Variants in RAB22A observed in about 807,000 individuals in gnomAD.
RAB22A encodes the protein ras-related protein Rab-22A.
Under a neutral mutation model 30.2 loss-of-function variants are expected in RAB22A, and 13 were observed. The ratio of observed to expected loss-of-function variants is 0.43; its 90% CI spans 0.28 to 0.68. RAB22A has a LOEUF of 0.68. Ranked by LOEUF, RAB22A falls within the 30% of genes least tolerant of loss-of-function variation. RAB22A has a pLI of 0.18. For synonymous variants in RAB22A, 89 were observed against 87.2 expected (o/e 1.02, Z -0.11); for missense variants, 177 against 246.8 (o/e 0.72, Z 1.89).
chr20:58,320,557 A>AAT (rs1986434061), intron 2 of RAB22A, among the ~76,000 whole-genome samples: 1 of 152,102 alleles, frequency 6.6e-6, no homozygotes, highest in African/African-American at 2.4e-5. Context: ...TTGTTATCTG[A>AAT]GCATTTAGAA....
chr20:58,310,271 C>T (rs897005291), intron 1 of RAB22A, among the ~76,000 whole-genome samples: 10 of 152,104 alleles, frequency 6.6e-5, no homozygotes, highest in Non-Finnish European at 4.4e-5. Context: ...AGCAAACAGC[C>T]CCCCCTTGCC....
intron 2 of RAB22A, among the ~76,000 whole-genome samples, chr20:58,314,840 CA>C (rs200960489): frequency 0.021 from 2,873 of 139,772 alleles, 33 homozygotes; most frequent in Middle Eastern, 0.033. Flanking sequence ...GACTCCATCT[CA>C]AAAAAAAAAG....
At chr20:58,310,713 G>A (rs903538858) in intron 1 of RAB22A, among the ~76,000 whole-genome samples, 1 of 152,142 alleles carries the variant, frequency 6.6e-6, no homozygotes, top group African/African-American at 2.4e-5. Flanking sequence ...ATTCATCAGG[G>A]ATTACTCAGA....
intron 3 of RAB22A, among the ~76,000 whole-genome samples, 163 bp from the exon 4 acceptor site, chr20:58,353,110 T>A (rs960655778): frequency 6.6e-6 from 1 of 152,256 alleles, no homozygotes; most frequent in East Asian, 1.9e-4. Context: ...TAAAAGTTTT[T>A]GCCTTTGGTA....
At chr20:58,348,602 A>G (rs1476879568) in intron 3 of RAB22A, among the ~76,000 whole-genome samples, 1 of 152,190 alleles carries the variant, frequency 6.6e-6, no homozygotes, top group Non-Finnish European at 1.5e-5. Flanking sequence ...GACAGAATTT[A>G]CACATATATT....
At position 58,339,703 on chromosome 20, in the gene RAB22A, G is replaced by A. The variant is rs139292608; in HGVS notation, c.117-4015G>A. 1.5e-3 allele frequency among the ~76,000 whole-genome samples: 228 copies of A among 152,308 alleles called. 1 individual carries two copies. The highest frequency in any genetic ancestry group is 0.01 in the Middle Eastern group (3 of 294). ...GGCAGACATAACGTTCTGTGATTGA[G>A]ATCTTGGAATTTGGGGTGATTTGTG... On this transcript the variant is annotated intron_variant, in intron 2 of 6. Transcript: ENST00000244040.
chr20:58,310,274 C>T (rs1038280229), intron 1 of RAB22A, among the ~76,000 whole-genome samples: 2 of 152,186 alleles, frequency 1.3e-5, no homozygotes, highest in Admixed American at 6.5e-5. Context: ...AAACAGCCCC[C>T]CCTTGCCTCT....
chr20:58,349,097 T>C (rs1042011081), intron 3 of RAB22A, among the ~76,000 whole-genome samples: 1 of 152,012 alleles, frequency 6.6e-6, no homozygotes, highest in Non-Finnish European at 1.5e-5. Context: ...CCACCTTCTT[T>C]CTTTGCATCA....
chr20:58,330,179 G>C (rs779307442), intron 2 of RAB22A, among the ~76,000 whole-genome samples: 1 of 152,042 alleles, frequency 6.6e-6, no homozygotes, highest in Non-Finnish European at 1.5e-5. Flanking sequence ...ATTTTTATTC[G>C]TGGGGGGTCC....
intron 3 of RAB22A, among the ~76,000 whole-genome samples, chr20:58,347,347 T>C: frequency 6.6e-6 from 1 of 152,188 alleles, no homozygotes; most frequent in East Asian, 1.9e-4. Flanking sequence ...CCCTTGACAG[T>C]AGGGATCTTG....
chr20:58,359,900 A>G lies in RAB22A; in HGVS notation c.*197A>G, dbSNP rs1987196832. On this transcript the variant is annotated 3_prime_UTR_variant, in exon 7 of 7. Transcript: ENST00000244040. The stretch of plus-strand genomic sequence containing the variant: ...TTCAGTCTGTGAACTTCTATTATGT[A>G]AAGAATCTCTAGTGTACAAAGGGAC... The G allele has an allele frequency of 4.9e-6, 2 of 411,076 alleles. No homozygotes were observed. The highest frequency in any genetic ancestry group is 4.2e-5 in the Admixed American group (1 of 23,606). The allele number at this position is 411,076 out of a possible 1,614,324, so 25.5% of individuals were successfully genotyped here.
chr20:58,327,446 G>A (rs965504818), intron 2 of RAB22A, among the ~76,000 whole-genome samples: 7 of 152,206 alleles, frequency 4.6e-5, no homozygotes, highest in Non-Finnish European at 8.8e-5. Flanking sequence ...GCTGTTGGCT[G>A]GAGGCCTCAG....
At chr20:58,334,094 G>A (rs1301545148) in intron 2 of RAB22A, among the ~76,000 whole-genome samples, 1 of 152,054 alleles carries the variant, frequency 6.6e-6, no homozygotes, top group African/African-American at 2.4e-5. Flanking sequence ...ACTTTGGGAG[G>A]CCGAGGCAGG....
In RAB22A at chr20:58,322,797, G is replaced by A. The variant is rs548308694; in HGVS notation, c.116+11675G>A. 8.0e-5 allele frequency among the ~76,000 whole-genome samples: 12 copies of A among 150,726 alleles called. No homozygotes were observed. In the South Asian group the frequency reaches 2.3e-3, roughly 29 times the overall value. On this transcript the variant is annotated intron_variant, in intron 2 of 6. Coordinates refer to ENST00000244040, the MANE Select transcript of RAB22A (RefSeq NM_020673.3). ...AAATCACAACACACTTATTTTTTTT[G>A]CATTAAATGACCTTTCAAAGAGACC...
chr20:58,326,785 G>A (rs1483326228), intron 2 of RAB22A, among the ~76,000 whole-genome samples: 2 of 152,146 alleles, frequency 1.3e-5, no homozygotes, highest in Non-Finnish European at 2.9e-5. Flanking sequence ...TGAAAATAAA[G>A]GCTGACTTCT....
At position 58,353,531 on chromosome 20, in the gene RAB22A, G is replaced by C; in HGVS notation, c.370G>C (p.Asp124His). ...TGCAGGAAATAAATGTGATCTTATC[G>C]ATGTAAGGTAAGTTATTAGAACGAG... Reference protein sequence around the residue: ...AIAGNKCDLIDVREVMERDAK... With the variant: ...AIAGNKCDLIHVREVMERDAK... The change falls in exon 5 of 7, where the codon GAT (aspartate) becomes CAT (histidine). Residue 124 changes from aspartate (D) to histidine (H), a missense_variant. Coordinates refer to ENST00000244040, the MANE Select transcript of RAB22A (RefSeq NM_020673.3). The C allele has an allele frequency of 2.5e-6, 4 of 1,594,476 alleles. No individual in the cohort carries two copies. The South Asian group carries it at 4.4e-5, about 18-fold the overall frequency.
intron 6 of RAB22A, among the ~76,000 whole-genome samples, chr20:58,356,082 G>A (rs532629025): frequency 6.6e-6 from 1 of 152,192 alleles, no homozygotes; most frequent in East Asian, 1.9e-4. Context: ...AAGCCAACAT[G>A]GGTGGATCAC....
chr20:58,340,435 A>G (rs1045039677), intron 2 of RAB22A, among the ~76,000 whole-genome samples: 1 of 152,172 alleles, frequency 6.6e-6, no homozygotes, highest in African/African-American at 2.4e-5. Context: ...GGTCTGCTCT[A>G]ATCTCAACGT....
At chr20:58,317,243 C>CCCA (rs1413860901) in intron 2 of RAB22A, among the ~76,000 whole-genome samples, 2 of 152,012 alleles carry the variant, frequency 1.3e-5, no homozygotes, top group Non-Finnish European at 1.5e-5. Context: ...ATTACAGGCA[C>CCCA]CCACCACCAC....
Sources: allele counts gnomAD v4.1 joint callset (sites outside exome capture counted in the v4.1 genomes callset), GRCh38; gene constraint gnomAD v4.1.1; transcripts MANE v1.5; gene names NCBI Gene and HGNC (gene_info 2026-07-23, HGNC 2026-07-21).